NRG3: variants seen among roughly 807,000 people sequenced by gnomAD.
The protein encoded by NRG3 is neuregulin 3, also known as pro-neuregulin-3, membrane-bound isoform.
NRG3 carries 31 observed loss-of-function variants against 66.9 expected under a neutral mutation model. The observed-to-expected ratio is 0.46, with a 90% CI of 0.35 to 0.63. The LOEUF (loss-of-function observed/expected upper bound fraction) is 0.63, where lower values mean the gene tolerates loss of function less well. NRG3 is among the 20% of genes least tolerant of loss of function. NRG3 has a pLI of 0.00. For synonymous variants in NRG3, 393 were observed against 359.4 expected, an observed-to-expected ratio of 1.09 and a Z score of -1.06; for missense variants, 910 against 878.9, an observed-to-expected ratio of 1.04 and a Z score of -0.45.
chr10:82,781,058 T>C (rs1001370344), intron 3 of NRG3, among the ~76,000 whole-genome samples: 1 of 152,222 alleles, frequency 6.6e-6, no homozygotes, highest in African/African-American at 2.4e-5. Context: ...ATGCCCATGC[T>C]GTATCTCTTT....
chr10:81,882,574 A>G (rs187598223), intron 1 of NRG3, among the ~76,000 whole-genome samples: 1 of 152,302 alleles, frequency 6.6e-6, no homozygotes, highest in East Asian at 1.9e-4. Context: ...GAGGTTGATG[A>G]CAATAACCTG....
At chr10:82,285,992 G>GAT (rs540697794) in intron 1 of NRG3, among the ~76,000 whole-genome samples, 2 of 152,180 alleles carry the variant, frequency 1.3e-5, no homozygotes, top group Non-Finnish European at 2.9e-5. Context: ...TTTGGTGATA[G>GAT]ACATTCTGAT....
intron 1 of NRG3, among the ~76,000 whole-genome samples, chr10:82,269,486 T>C (rs1356299902): frequency 1.3e-5 from 2 of 152,166 alleles, no homozygotes; most frequent in East Asian, 3.9e-4. Context: ...TCTCAAGCTC[T>C]GGCCTTCCAT....
At chr10:82,038,323 A>G (rs76122081) in intron 1 of NRG3, among the ~76,000 whole-genome samples, 9,905 of 152,176 alleles carry the variant, frequency 0.065, 431 homozygotes, top group Non-Finnish European at 0.094. Context: ...AATAGTACCA[A>G]CTGTCCTGAG....
chr10:82,445,481 A>G (rs1392915819), intron 2 of NRG3, among the ~76,000 whole-genome samples: 3 of 152,172 alleles, frequency 2.0e-5, no homozygotes, highest in African/African-American at 7.2e-5. Flanking sequence ...AGGATGTAAT[A>G]AGCATGCCTT....
intron 1 of NRG3, among the ~76,000 whole-genome samples, chr10:82,114,883 A>G (rs1171795237): frequency 1.3e-5 from 2 of 152,130 alleles, no homozygotes; most frequent in Non-Finnish European, 2.9e-5. Flanking sequence ...ATACAACGCA[A>G]GTACTCAACG....
intron 2 of NRG3, among the ~76,000 whole-genome samples, chr10:82,436,558 G>A (rs1255964964): frequency 6.6e-6 from 1 of 152,206 alleles, no homozygotes; most frequent in Non-Finnish European, 1.5e-5. Context: ...ACTGTTATGT[G>A]TGAATTTGAT....
At chr10:82,291,397 T>G (rs1016969359) in intron 1 of NRG3, among the ~76,000 whole-genome samples, 4 of 152,198 alleles carry the variant, frequency 2.6e-5, no homozygotes, top group Admixed American at 2.6e-4. Flanking sequence ...AAGTCTCACA[T>G]AGTAAAGATG....
chr10:82,490,828 A>G (rs2132243902), intron 2 of NRG3, among the ~76,000 whole-genome samples: 1 of 152,240 alleles, frequency 6.6e-6, no homozygotes, highest in African/African-American at 2.4e-5. Flanking sequence ...GATCCAAACC[A>G]TTATCATTTC....
chr10:81,936,211 T>A (rs368463105), intron 1 of NRG3, among the ~76,000 whole-genome samples: 2 of 152,204 alleles, frequency 1.3e-5, no homozygotes, highest in East Asian at 1.9e-4. Context: ...GTCAAAAGAT[T>A]GAGAAGAGGC....
chr10:82,091,557 T>A (rs2066026755), intron 1 of NRG3, among the ~76,000 whole-genome samples: 1 of 152,200 alleles, frequency 6.6e-6, no homozygotes, highest in Admixed American at 6.5e-5. Flanking sequence ...TATCTGTTCA[T>A]CTGCTAAATA....
chr10:81,912,703 A>G (rs1241704928), intron 1 of NRG3, among the ~76,000 whole-genome samples: 1 of 152,166 alleles, frequency 6.6e-6, no homozygotes, highest in Non-Finnish European at 1.5e-5. Context: ...TGTCATGCTA[A>G]GAATGGGGAG....
chr10:82,187,189 G>A (rs2073855818), intron 1 of NRG3, among the ~76,000 whole-genome samples: 1 of 152,102 alleles, frequency 6.6e-6, no homozygotes, highest in Non-Finnish European at 1.5e-5. Context: ...TGTATGTGAT[G>A]GAGTAATATG....
intron 1 of NRG3, among the ~76,000 whole-genome samples, chr10:81,892,658 C>T (rs1843134011): frequency 6.6e-6 from 1 of 151,982 alleles, no homozygotes; most frequent in South Asian, 2.1e-4. Flanking sequence ...GAATGGTTGC[C>T]AGAGACTGAG....
chr10:82,153,412 TG>T (rs1304089986), intron 1 of NRG3, among the ~76,000 whole-genome samples: 1 of 1,620 alleles, frequency 6.2e-4, no homozygotes, highest in African/African-American at 1.6e-3. Flanking sequence ...AGTATTCCAT[TG>T]TGTGTGTGTG....
intron 4 of NRG3, among the ~76,000 whole-genome samples, chr10:82,921,678 A>T (rs1846434747): frequency 6.6e-6 from 1 of 152,188 alleles, no homozygotes; most frequent in African/African-American, 2.4e-5. Context: ...TTGTTTTGAA[A>T]ATAATTCTGT....
intron 1 of NRG3, among the ~76,000 whole-genome samples, chr10:82,330,053 G>C (rs1384758865): frequency 1.3e-5 from 2 of 152,084 alleles, no homozygotes; most frequent in Non-Finnish European, 2.9e-5. Context: ...AAAATTTTTG[G>C]CCATAAAGAT....
At chr10:82,659,851 T>C (rs1432257934) in intron 2 of NRG3, among the ~76,000 whole-genome samples, 1 of 152,028 alleles carries the variant, frequency 6.6e-6, no homozygotes, top group Non-Finnish European at 1.5e-5. Flanking sequence ...TTGGGACTGG[T>C]AGCACTGGTC....
At chr10:82,049,700 A>G (rs2063497274) in intron 1 of NRG3, among the ~76,000 whole-genome samples, 1 of 151,936 alleles carries the variant, frequency 6.6e-6, no homozygotes, top group Admixed American at 6.6e-5. Flanking sequence ...TCTATGGAGA[A>G]CCCTTGGGCA....
Sources: gnomAD v4.1 joint callset for allele counts (sites outside exome capture counted in the v4.1 genomes callset) on GRCh38, gnomAD v4.1.1 for gene constraint, MANE v1.5 for transcripts, NCBI Gene and HGNC (gene_info 2026-07-23, HGNC 2026-07-21) for gene names.